The following SLC16A7 variants were observed in gnomAD, a reference collection of about 807,000 sequenced individuals.
The protein encoded by SLC16A7 is solute carrier family 16 member 7.
A neutral mutation model predicts 34.9 loss-of-function variants in SLC16A7; 33 were observed. The ratio of observed to expected loss-of-function variants is 0.94; its 90% CI spans 0.72 to 1.26. SLC16A7 has a LOEUF of 1.26. Ranked by LOEUF, SLC16A7 falls within the 50% of genes most tolerant of loss-of-function variation. The pLI is 0.00. For missense variants in SLC16A7, 573 were observed against 578.1 expected, an observed-to-expected ratio of 0.99 and a Z score of 0.09; for synonymous variants, 201 against 206.6, an observed-to-expected ratio of 0.97 and a Z score of 0.23.
intron 3 of SLC16A7, among the ~76,000 whole-genome samples, chr12:59,727,789 T>G (rs1343614079): frequency 6.7e-6 from 1 of 149,802 alleles, no homozygotes; most frequent in Non-Finnish European, 1.5e-5. Flanking sequence ...GGGCGATGTT[T>G]ACATTTTAAT....
chr12:59,650,531 T>A (rs1028213408), intron 1 of SLC16A7, among the ~76,000 whole-genome samples: 8 of 152,140 alleles, frequency 5.3e-5, no homozygotes, highest in African/African-American at 1.9e-4. Context: ...AAAATGGAGA[T>A]GTTACCATTA....
intron 2 of SLC16A7, among the ~76,000 whole-genome samples, chr12:59,700,982 C>T (rs1424402580): frequency 6.6e-6 from 1 of 151,548 alleles, no homozygotes; most frequent in Admixed American, 6.6e-5. Context: ...TTTCGACGCT[C>T]AAGATGAGAT....
At position 59,789,804 on chromosome 12, in the gene SLC16A7, TATTAA is replaced by T. The variant is rs1009151226; in HGVS notation, c.*10132_*10136del. Reference sequence around the variant, plus strand: ...TATGTAAGAAAAAACCTGTATTGCTTATTAAATTAAAATTAAAATAAAAAAATTCA... The same window carrying T: ...TATGTAAGAAAAAACCTGTATTGCTTATTAAAATTAAAATAAAAAAATTCA... On this transcript the variant is annotated 3_prime_UTR_variant, in exon 6 of 6. Coordinates refer to ENST00000547379, the MANE Select transcript of SLC16A7 (RefSeq NM_001270623.2). The T allele has an allele frequency of 1.3e-5, 2 of 152,158 alleles. No individual in the cohort carries two copies. The highest frequency in any genetic ancestry group is 4.8e-5 in the African/African-American group (2 of 41,460). 9.4% of individuals were successfully genotyped at this position (152,158 alleles called of 1,614,324 possible).
intron 3 of SLC16A7, among the ~76,000 whole-genome samples, chr12:59,749,836 G>A (rs1311642776): frequency 1.3e-5 from 2 of 152,286 alleles, no homozygotes; most frequent in Non-Finnish European, 2.9e-5. Context: ...TATGGATCTT[G>A]GAGAAATTCA....
chr12:59,705,121 T>A (rs2137142744), intron 3 of SLC16A7, 103 bp downstream of exon 3: 1 of 755,524 alleles, frequency 1.3e-6, no homozygotes, highest in East Asian at 2.6e-5. Context: ...CCTGTTTTTA[T>A]GTTATAGTCA....
At chr12:59,695,305 T>C (rs1592513992) in intron 2 of SLC16A7, among the ~76,000 whole-genome samples, 1 of 151,966 alleles carries the variant, frequency 6.6e-6, no homozygotes, top group East Asian at 1.9e-4. Flanking sequence ...TACCTTTGGA[T>C]GAGCTGGTTA....
At chr12:59,696,711 T>C (rs1396467540) in intron 2 of SLC16A7, among the ~76,000 whole-genome samples, 2 of 151,974 alleles carry the variant, frequency 1.3e-5, no homozygotes, top group East Asian at 1.9e-4. Context: ...GAGTCACTAA[T>C]GAGGAAGAGG....
intron 3 of SLC16A7, among the ~76,000 whole-genome samples, chr12:59,747,483 G>T (rs1042460280): frequency 4.6e-5 from 7 of 152,032 alleles, no homozygotes; most frequent in African/African-American, 1.7e-4. Context: ...ACATTTGATT[G>T]TATCATTCTT....
At chr12:59,728,149 A>G (rs554767233) in intron 3 of SLC16A7, among the ~76,000 whole-genome samples, 30 of 152,180 alleles carry the variant, frequency 2.0e-4, no homozygotes, top group Non-Finnish European at 4.0e-4. Flanking sequence ...AGAGTATTAC[A>G]TGGTGGGTTT....
intron 1 of SLC16A7, among the ~76,000 whole-genome samples, chr12:59,621,254 T>C (rs539835108): frequency 1.3e-5 from 2 of 152,018 alleles, no homozygotes; most frequent in African/African-American, 4.8e-5. Flanking sequence ...GTGAGTATTG[T>C]AGCACTGCCA....
At chr12:59,619,403 G>A (rs929959507) in intron 1 of SLC16A7, among the ~76,000 whole-genome samples, 5 of 152,050 alleles carry the variant, frequency 3.3e-5, no homozygotes, top group African/African-American at 1.2e-4. Flanking sequence ...CAGGCATACA[G>A]TGACCTCATC....
At chr12:59,637,450 T>C (rs1188177618) in intron 1 of SLC16A7, among the ~76,000 whole-genome samples, 1 of 146,584 alleles carries the variant, frequency 6.8e-6, no homozygotes, top group Admixed American at 6.8e-5. Context: ...TCTCTTTCTG[T>C]TTTTTTTTTT....
At chr12:59,670,206 G>T (rs539879431) in intron 2 of SLC16A7, among the ~76,000 whole-genome samples, 1 of 152,098 alleles carries the variant, frequency 6.6e-6, no homozygotes, top group Non-Finnish European at 1.5e-5. Context: ...CCCTGTGTTT[G>T]TGTCTTCACA....
chr12:59,681,639 C>T (rs533095098), intron 2 of SLC16A7, among the ~76,000 whole-genome samples: 9 of 152,204 alleles, frequency 5.9e-5, no homozygotes, highest in African/African-American at 9.6e-5. Context: ...TGGAAGGAAA[C>T]GGAATGAAGA....
chr12:59,640,873 A>T (rs1880653064), intron 1 of SLC16A7, among the ~76,000 whole-genome samples: 1 of 152,130 alleles, frequency 6.6e-6, no homozygotes, highest in African/African-American at 2.4e-5. Context: ...GAATTTTAAA[A>T]CTAATATTGT....
chr12:59,746,031 A>G (rs1878852243), intron 3 of SLC16A7, among the ~76,000 whole-genome samples: 1 of 152,218 alleles, frequency 6.6e-6, no homozygotes, highest in Non-Finnish European at 1.5e-5. Context: ...TGGAGCTAAT[A>G]GTCAATTACG....
chr12:59,763,020 T>C (rs1292402078), intron 3 of SLC16A7, among the ~76,000 whole-genome samples: 1 of 152,098 alleles, frequency 6.6e-6, no homozygotes, highest in Non-Finnish European at 1.5e-5. Flanking sequence ...TGCACATACA[T>C]CTAATTTTTA....
intron 3 of SLC16A7, among the ~76,000 whole-genome samples, chr12:59,747,074 C>T (rs1878974482): frequency 6.6e-6 from 1 of 152,172 alleles, no homozygotes; most frequent in African/African-American, 2.4e-5. Flanking sequence ...TCAAGAGATC[C>T]TCCTGCCTCA....
intron 3 of SLC16A7, among the ~76,000 whole-genome samples, chr12:59,726,303 G>A (rs901257673): frequency 3.9e-5 from 6 of 152,082 alleles, no homozygotes; most frequent in African/African-American, 1.4e-4. Flanking sequence ...TAGCCAAAAT[G>A]TATGTTTTTA....
Sources: allele counts gnomAD v4.1 joint callset (sites outside exome capture counted in the v4.1 genomes callset), GRCh38; gene constraint gnomAD v4.1.1; transcripts MANE v1.5; gene names NCBI Gene and HGNC (gene_info 2026-07-23, HGNC 2026-07-21).